SH3RF3: variants seen among roughly 807,000 people sequenced by gnomAD.
The protein encoded by SH3RF3 is SH3 domain containing ring finger 3, also known as E3 ubiquitin-protein ligase SH3RF3.
SH3RF3 carries 29 observed loss-of-function variants against 66.3 expected under a neutral mutation model. That is an observed-to-expected ratio of 0.44 (90% CI 0.33 to 0.60). The LOEUF is 0.60. Among genes scored for constraint, SH3RF3 ranks in the 20% least tolerant of loss-of-function variants. The probability of loss-of-function intolerance (pLI) is 0.04; values close to 1 mark genes in which losing one functional copy is unlikely to be tolerated. For synonymous variants in SH3RF3, 583 were observed against 532.0 expected, an observed-to-expected ratio of 1.10 and a Z score of -1.32; for missense variants, 1,194 against 1,190.9, an observed-to-expected ratio of 1.00 and a Z score of -0.04.
intron 5 of SH3RF3, among the ~76,000 whole-genome samples, chr2:109,422,852 G>A (rs1032060715): frequency 6.6e-6 from 1 of 152,190 alleles, no homozygotes; most frequent in Non-Finnish European, 1.5e-5. Context: ...GAGGCAGGGA[G>A]AGGGCATAGG....
At chr2:109,446,848 A>T (rs944087887) in intron 7 of SH3RF3, among the ~76,000 whole-genome samples, 1 of 152,164 alleles carries the variant, frequency 6.6e-6, no homozygotes, top group Non-Finnish European at 1.5e-5. Flanking sequence ...CCAGCCACGC[A>T]CAGCCCAGGG....
chr2:109,257,682 C>CA lies in SH3RF3; in HGVS notation c.574-89991dup, dbSNP rs1299440864. ...GTTTGCGCTTCAGGGAAGCCACTGA[C>CA]ACGTTCATTACCTGTTTCCTGAAGT... On this transcript the variant is annotated intron_variant, in intron 1 of 9. Transcript: ENST00000309415. 5.3e-5 allele frequency among the ~76,000 whole-genome samples: 8 copies of CA among 152,310 alleles called. No homozygotes were observed. The East Asian group carries it at 1.2e-3, about 22-fold the overall frequency.
intron 7 of SH3RF3, among the ~76,000 whole-genome samples, chr2:109,443,634 T>C (rs1174697704): frequency 6.6e-6 from 1 of 152,204 alleles, no homozygotes; most frequent in African/African-American, 2.4e-5. Context: ...GCAGAATTTA[T>C]AAAAATTATT....
chr2:109,332,709 G>C (rs1682315810), intron 1 of SH3RF3, among the ~76,000 whole-genome samples: 1 of 152,174 alleles, frequency 6.6e-6, no homozygotes, highest in Admixed American at 6.5e-5. Flanking sequence ...TTCCTGCCGA[G>C]CTTCCTACAG....
intron 5 of SH3RF3, among the ~76,000 whole-genome samples, chr2:109,419,957 C>T (rs796428040): frequency 1.2e-4 from 18 of 152,216 alleles, no homozygotes; most frequent in African/African-American, 3.4e-4. Context: ...ATGGAAGGTC[C>T]GAGATTGAGG....
chr2:109,440,485 A>G (rs982305663), intron 7 of SH3RF3, among the ~76,000 whole-genome samples: 31 of 152,252 alleles, frequency 2.0e-4, no homozygotes, highest in Non-Finnish European at 3.5e-4. Flanking sequence ...AATAATAGAC[A>G]TAGTCATATT....
At chr2:109,304,873 G>A (rs1468739986) in intron 1 of SH3RF3, among the ~76,000 whole-genome samples, 2 of 152,176 alleles carry the variant, frequency 1.3e-5, no homozygotes, top group Non-Finnish European at 2.9e-5. Flanking sequence ...AGCCACCTTA[G>A]AAGACATGGG....
At chr2:109,182,609 T>A (rs952295607) in intron 1 of SH3RF3, among the ~76,000 whole-genome samples, 3 of 152,198 alleles carry the variant, frequency 2.0e-5, no homozygotes, top group Non-Finnish European at 4.4e-5. Flanking sequence ...TGAATCGATG[T>A]TGCGTAAATT....
chr2:109,494,394 C>T (rs1424266991), intron 9 of SH3RF3, among the ~76,000 whole-genome samples: 3 of 152,136 alleles, frequency 2.0e-5, no homozygotes, highest in African/African-American at 7.2e-5. Context: ...AGAAGTGCCC[C>T]CTCCCCTCAA....
chr2:109,364,548 T>TA (rs1683120719), intron 2 of SH3RF3, among the ~76,000 whole-genome samples: 1 of 152,238 alleles, frequency 6.6e-6, no homozygotes, highest in African/African-American at 2.4e-5. Context: ...ATTTTCTTGA[T>TA]ACCAGACATG....
At chr2:109,183,207 C>A (rs1678108926) in intron 1 of SH3RF3, among the ~76,000 whole-genome samples, 1 of 152,222 alleles carries the variant, frequency 6.6e-6, no homozygotes, top group Admixed American at 6.5e-5. Flanking sequence ...TCTGTGTTAA[C>A]TTGCCTTCTT....
intron 4 of SH3RF3, among the ~76,000 whole-genome samples, chr2:109,413,554 G>T (rs560968396): frequency 6.6e-6 from 1 of 152,080 alleles, no homozygotes; most frequent in Non-Finnish European, 1.5e-5. Flanking sequence ...GTGTCTTCCT[G>T]TCTGTCTCTC....
At chr2:109,432,425 TC>T in intron 5 of SH3RF3, 75 bp from the exon 6 acceptor site, 1 of 1,561,626 alleles carries the variant, frequency 6.4e-7, no homozygotes, top group Non-Finnish European at 8.7e-7. Flanking sequence ...AAAGACAACC[TC>T]CCCCCAGGAA....
At chr2:109,471,277 G>A (rs1021076729) in intron 8 of SH3RF3, among the ~76,000 whole-genome samples, 1 of 146,080 alleles carries the variant, frequency 6.8e-6, no homozygotes, top group Non-Finnish European at 1.5e-5. Flanking sequence ...AAAGAGGTTT[G>A]ATTGACTCTC....
rs1433181265 is a variant in SH3RF3 at position 109,286,640 on chromosome 2, A to G, written c.574-61034A>G. Among the ~76,000 whole-genome samples the G allele has an allele frequency of 2.0e-5, 3 of 152,310 alleles. No homozygotes were observed. The South Asian group carries it at 6.2e-4, about 32-fold the overall frequency. ...TTCCACACCCATGATTCTAAATCCC[A>G]GGAGCTCTGAAGCAGGAATCTTTTC... On this transcript the variant is annotated intron_variant, in intron 1 of 9. Transcript: ENST00000309415.
intron 5 of SH3RF3, among the ~76,000 whole-genome samples, chr2:109,426,151 C>T (rs148669654): frequency 3.6e-4 from 55 of 152,290 alleles, no homozygotes; most frequent in African/African-American, 1.2e-3. Context: ...TCAAGTGATC[C>T]GTCCGCCTTG....
chr2:109,156,695 G>A (rs1450649475), intron 1 of SH3RF3, among the ~76,000 whole-genome samples: 2 of 152,010 alleles, frequency 1.3e-5, no homozygotes, highest in Non-Finnish European at 2.9e-5. Flanking sequence ...ATCTCGCCTC[G>A]GCCTCCCAAA....
chr2:109,409,143 C>A (rs1676524787), intron 4 of SH3RF3, among the ~76,000 whole-genome samples: 1 of 152,204 alleles, frequency 6.6e-6, no homozygotes, highest in Admixed American at 6.5e-5. Context: ...CTGTTTTGAT[C>A]CATTCGCCTT....
intron 8 of SH3RF3, among the ~76,000 whole-genome samples, chr2:109,481,683 G>C (rs1201609623): frequency 6.6e-6 from 1 of 152,146 alleles, no homozygotes; most frequent in Middle Eastern, 3.2e-3. Flanking sequence ...GCTCTGCCTC[G>C]CAGCACCTCC....
Sources: allele counts gnomAD v4.1 joint callset (sites outside exome capture counted in the v4.1 genomes callset), GRCh38; gene constraint gnomAD v4.1.1; transcripts MANE v1.5; gene names NCBI Gene and HGNC (gene_info 2026-07-23, HGNC 2026-07-21).